BMP7: variants seen among roughly 807,000 people sequenced by gnomAD.
BMP7 encodes bone morphogenetic protein 7.
In BMP7, 12 loss-of-function variants were observed where a neutral mutation model predicts 41.2. The observed-to-expected ratio is 0.29, with a 90% CI of 0.19 to 0.47. The LOEUF (loss-of-function observed/expected upper bound fraction) is 0.47, where lower values mean the gene tolerates loss of function less well. BMP7 is among the 20% of genes least tolerant of loss of function. The probability of loss-of-function intolerance (pLI) is 0.99; values close to 1 mark genes in which losing one functional copy is unlikely to be tolerated. For missense variants in BMP7, 467 were observed against 606.0 expected (o/e 0.77, Z 2.41); for synonymous variants, 248 against 250.0 (o/e 0.99, Z 0.07).
rs991579931 is a variant in BMP7 at position 57,259,652 on chromosome 20, C to A, written c.418+6053G>T. On this transcript the variant is annotated intron_variant, in intron 1 of 6. Transcript: ENST00000395863. This position sits in a 1 kb window ranked among gnomAD's most constrained non-coding sequence, Gnocchi z 4.7. ...CACGCGGATCAGCACAGGCTTTGCGCGGCTCCCCACAATGCCTTCCGACAC... is the reference window on the plus strand; with the variant it reads ...CACGCGGATCAGCACAGGCTTTGCGAGGCTCCCCACAATGCCTTCCGACAC... Among the ~76,000 whole-genome samples the A allele has an allele frequency of 6.6e-6, 1 of 152,192 alleles. No individual in the cohort carries two copies. The highest frequency in any genetic ancestry group is 6.5e-5 in the Admixed American group (1 of 15,274).
chr20:57,246,697 A>G (rs1011698569), intron 1 of BMP7, among the ~76,000 whole-genome samples: 1 of 152,152 alleles, frequency 6.6e-6, no homozygotes, highest in Admixed American at 6.5e-5. Flanking sequence ...AATATTAACT[A>G]AAGAGGACAG....
chr20:57,188,855 G>C (rs1984283152), intron 3 of BMP7, among the ~76,000 whole-genome samples: 1 of 152,248 alleles, frequency 6.6e-6, no homozygotes, highest in African/African-American at 2.4e-5. Context: ...ACAAGACTCT[G>C]AGTGAGGAAG....
intron 1 of BMP7, among the ~76,000 whole-genome samples, chr20:57,254,661 CA>C (rs1568731035): frequency 5.4e-5 from 8 of 147,384 alleles, no homozygotes; most frequent in African/African-American, 1.5e-4. Flanking sequence ...AAAAAAAAAA[CA>C]AAAAACAAAA....
At chr20:57,190,632 C>A (rs1984333811) in intron 3 of BMP7, among the ~76,000 whole-genome samples, 1 of 152,024 alleles carries the variant, frequency 6.6e-6, no homozygotes, top group Non-Finnish European at 1.5e-5. Context: ...GTGTGGGGAA[C>A]CAACAAGGCT....
rs1684893803 is a variant in BMP7, at chr20:57,183,935, C to G, written c.761-16G>C. On this transcript the variant is annotated splice_polypyrimidine_tract_variant and intron_variant, in intron 3 of 6. Transcript: ENST00000395863. Reference sequence around the variant, plus strand: ...ATGCTCTGCCCTGGACAGGAAGCAGCCAAGTGCACAGAAGAGTAGTTACAG... The same window carrying G: ...ATGCTCTGCCCTGGACAGGAAGCAGGCAAGTGCACAGAAGAGTAGTTACAG... 2 of 1,612,058 alleles carry G rather than the reference C, an allele frequency of 1.2e-6. No individual in the cohort carries two copies. Among genetic ancestry groups the G allele is most frequent in the Non-Finnish European group, 1.7e-6 (2 of 1,179,924 alleles).
At chr20:57,189,836 C>T (rs1984308660) in intron 3 of BMP7, among the ~76,000 whole-genome samples, 1 of 152,214 alleles carries the variant, frequency 6.6e-6, no homozygotes, top group Non-Finnish European at 1.5e-5. Context: ...TGAATGAGAA[C>T]ACGACCACCC....
Position 57,183,795 on chromosome 20 carries a change from C to T in BMP7, c.885G>A (p.Gly295=), listed in dbSNP as rs1984145312. 6.2e-7 allele frequency: 1 copy of T among 1,614,196 alleles called. No individual in the cohort carries two copies. The highest frequency in any genetic ancestry group is 8.5e-7 in the Non-Finnish European group (1 of 1,180,048). Residue 295 remains glycine (G), a synonymous_variant, in exon 4 of 7, where the codon GGG becomes GGA. Coordinates refer to ENST00000395863, the MANE Select transcript of BMP7 (RefSeq NM_001719.3). ...AGCGGTTCTGGCTGCGCTGTTTGCTCCCCGTGGACCGGATGCTGCGGAAGT... is the reference window on the plus strand; with the variant it reads ...AGCGGTTCTGGCTGCGCTGTTTGCTTCCCGTGGACCGGATGCTGCGGAAGT... ...EVHFRSIRST[G]SKQRSQNRSK...
intron 2 of BMP7, among the ~76,000 whole-genome samples, chr20:57,223,732 G>A (rs1012931049): frequency 9.9e-5 from 15 of 152,214 alleles, no homozygotes; most frequent in African/African-American, 3.1e-4. Flanking sequence ...TAAGCACCAC[G>A]CAACAAGAAG....
chr20:57,193,987 G>A (rs971614555), intron 3 of BMP7, among the ~76,000 whole-genome samples: 2 of 152,166 alleles, frequency 1.3e-5, no homozygotes, highest in African/African-American at 4.8e-5. Flanking sequence ...GCCATGCCCA[G>A]CCCCCTCGTG....
At chr20:57,231,251 T>A (rs1040019410) in intron 1 of BMP7, among the ~76,000 whole-genome samples, 2 of 152,250 alleles carry the variant, frequency 1.3e-5, no homozygotes, top group East Asian at 1.9e-4. Context: ...TTCATCCTCA[T>A]TGTCATATGA....
chr20:57,241,070 T>C (rs186660), intron 1 of BMP7, among the ~76,000 whole-genome samples: 83,174 of 151,956 alleles, frequency 0.55, 23,968 homozygotes, highest in African/African-American at 0.74. Context: ...CACATCGTGC[T>C]CACTTTCCAG....
chr20:57,241,137 T>A (rs2123129598), intron 1 of BMP7, among the ~76,000 whole-genome samples: 1 of 152,240 alleles, frequency 6.6e-6, no homozygotes, highest in African/African-American at 2.4e-5. Context: ...CTGATCTGAA[T>A]CTTTAAAGGC....
intron 2 of BMP7, among the ~76,000 whole-genome samples, chr20:57,206,851 T>A (rs1455017609): frequency 6.6e-6 from 1 of 152,222 alleles, no homozygotes; most frequent in East Asian, 1.9e-4. Context: ...GGACTTTACA[T>A]GTCTTGGTCC....
intron 3 of BMP7, among the ~76,000 whole-genome samples, chr20:57,189,453 C>T (rs1268313388): frequency 1.3e-5 from 2 of 152,214 alleles, no homozygotes; most frequent in African/African-American, 2.4e-5. Context: ...AGAAGCAAAC[C>T]CAGCACAGGG....
intron 2 of BMP7, among the ~76,000 whole-genome samples, chr20:57,218,803 GTGTT>G (rs72084103): frequency 0.019 from 2,840 of 149,760 alleles, 61 homozygotes; most frequent in African/African-American, 0.063. Flanking sequence ...GGTGGTGCTG[GTGTT>G]TGTTTGGTGG....
chr20:57,228,320 A>G lies in BMP7; in HGVS notation c.520T>C (p.Phe174Leu). 6.2e-7 allele frequency: 1 copy of G among 1,614,062 alleles called. No individual in the cohort carries two copies. The highest frequency in any genetic ancestry group is 8.5e-7 in the Non-Finnish European group (1 of 1,179,998). Residue 174 changes from phenylalanine to leucine, a missense_variant, in exon 2 of 7, where the codon TTC becomes CTC. Around this residue, in one of 2 missense-constraint regions of BMP7, gnomAD observed 407 missense variants for 485.9 expected, o/e 0.84. Coordinates refer to ENST00000395863, the MANE Select transcript of BMP7 (RefSeq NM_001719.3). The surrounding 1 kb of genome is among the most constrained non-coding windows in gnomAD (Gnocchi z 4.5). The stretch of plus-strand genomic sequence containing the variant: ...CGGATGTAGTCCTTGTAGATCCGGA[A>G]TTCGGCTGCCGTGACAGCTTCCCCT... ...PEGEAVTAAE[F>L]RIYKDYIRER...
At chr20:57,240,643 T>C (rs970201726) in intron 1 of BMP7, among the ~76,000 whole-genome samples, 4 of 152,106 alleles carry the variant, frequency 2.6e-5, no homozygotes, top group Admixed American at 2.6e-4. Flanking sequence ...AAAGGTTTAA[T>C]TGGACTTACA....
intron 6 of BMP7, chr20:57,172,859 C>T: frequency 1.8e-6 from 1 of 570,890 alleles, no homozygotes; most frequent in Non-Finnish European, 3.1e-6. Flanking sequence ...TTACCTGTTT[C>T]CTCTACTGGA....
At chr20:57,207,851 C>T (rs1420477569) in intron 2 of BMP7, among the ~76,000 whole-genome samples, 1 of 117,284 alleles carries the variant, frequency 8.5e-6, no homozygotes, top group Non-Finnish European at 1.6e-5. Flanking sequence ...GAGACGGAGT[C>T]TCGCTCTGTC....
Sources: gnomAD v4.1 joint callset for allele counts (sites outside exome capture counted in the v4.1 genomes callset) on GRCh38, gnomAD v4.1.1 for gene constraint, gnomAD v4.1.1 regional missense constraint, Gnocchi (gnomAD v3.1) non-coding constraint, MANE v1.5 for transcripts, NCBI Gene and HGNC (gene_info 2026-07-23, HGNC 2026-07-21) for gene names.